Variants in LINGO2 observed in about 807,000 individuals in gnomAD.
LINGO2 encodes leucine-rich repeat and immunoglobulin-like domain-containing nogo receptor-interacting protein 2.
In LINGO2, 14 loss-of-function variants were observed where a neutral mutation model predicts 30.6. That is an observed-to-expected ratio of 0.46 (90% confidence interval 0.30 to 0.72). The LOEUF is 0.72. Ranked by LOEUF, LINGO2 falls within the 30% of genes least tolerant of loss-of-function variation. LINGO2 has a pLI of 0.07. For synonymous variants in LINGO2, 317 were observed against 288.5 expected (o/e 1.10, Z -1.00); for missense variants, 729 against 751.7 (o/e 0.97, Z 0.35).
chr9:28,927,479 G>A, the LINGO2 span, among the ~76,000 whole-genome samples: 3 of 152,310 alleles, frequency 2.0e-5, no homozygotes, highest in Admixed American at 2.0e-4. Flanking sequence ...AAAGGGAAAA[G>A]AGAAGGATTT....
At chr9:28,532,080 A>C (rs2135431325) in intron 1 of LINGO2, among the ~76,000 whole-genome samples, 1 of 152,302 alleles carries the variant, frequency 6.6e-6, no homozygotes, top group South Asian at 2.1e-4. Context: ...AGTATAAGTA[A>C]CAAGATAACT....
chr9:28,721,743 G>A, the LINGO2 span, among the ~76,000 whole-genome samples: 1 of 152,082 alleles, frequency 6.6e-6, no homozygotes, highest in Admixed American at 6.6e-5. Flanking sequence ...CAGTTGATAG[G>A]TGCAGTACCA....
the LINGO2 span, among the ~76,000 whole-genome samples, chr9:28,958,708 A>C: frequency 6.6e-6 from 1 of 151,954 alleles, no homozygotes; most frequent in African/African-American, 2.4e-5. Context: ...AGGAGAGAAG[A>C]GGAGAAAAAA....
At chr9:28,171,027 C>G (rs1828566954) in intron 4 of LINGO2, among the ~76,000 whole-genome samples, 1 of 152,202 alleles carries the variant, frequency 6.6e-6, no homozygotes, top group Non-Finnish European at 1.5e-5. Flanking sequence ...CAACCCAAAA[C>G]CACTTTCTAG....
chr9:28,241,144 C>G (rs1044246545), intron 4 of LINGO2, among the ~76,000 whole-genome samples: 1 of 151,662 alleles, frequency 6.6e-6, no homozygotes, highest in African/African-American at 2.4e-5. Context: ...TGGTGTGCGC[C>G]TGTAATCCCA....
chr9:28,078,576 C>A (rs531020509), intron 4 of LINGO2, among the ~76,000 whole-genome samples: 2 of 148,504 alleles, frequency 1.3e-5, no homozygotes, highest in Admixed American at 6.6e-5. Flanking sequence ...CTCTGCCGGG[C>A]GTGGTGGCTC....
intron 4 of LINGO2, among the ~76,000 whole-genome samples, chr9:28,020,544 A>T (rs1823062125): frequency 7.1e-6 from 1 of 140,080 alleles, no homozygotes; most frequent in East Asian, 2.1e-4. Context: ...AACAAAACAA[A>T]ACAAAACAAA....
intron 3 of LINGO2, among the ~76,000 whole-genome samples, chr9:28,353,088 A>C (rs1303127749): frequency 6.6e-6 from 1 of 150,692 alleles, no homozygotes; most frequent in Non-Finnish European, 1.5e-5. Flanking sequence ...GGACATAGGC[A>C]TGGGCAAGGA....
chr9:28,848,496 G>T, the LINGO2 span, among the ~76,000 whole-genome samples: 1 of 144,990 alleles, frequency 6.9e-6, no homozygotes, highest in African/African-American at 2.5e-5. Flanking sequence ...TTTGAAATGT[G>T]TATCATTCAA....
At chr9:28,636,834 C>A (rs926251219) in intron 1 of LINGO2, among the ~76,000 whole-genome samples, 2 of 152,150 alleles carry the variant, frequency 1.3e-5, no homozygotes, top group African/African-American at 4.8e-5. Flanking sequence ...AATTAGATCC[C>A]ATTTATCAAT....
At chr9:29,144,141 A>C in the LINGO2 span, among the ~76,000 whole-genome samples, 10 of 152,088 alleles carry the variant, frequency 6.6e-5, no homozygotes, top group Admixed American at 2.0e-4. Context: ...TTGTTCTTTT[A>C]CCAGTACCGT....
At chr9:28,006,564 T>A (rs1822278361) in intron 5 of LINGO2, among the ~76,000 whole-genome samples, 1 of 152,132 alleles carries the variant, frequency 6.6e-6, no homozygotes, top group African/African-American at 2.4e-5. Flanking sequence ...TATTAGGAAA[T>A]CTAGGTTGGC....
the LINGO2 span, among the ~76,000 whole-genome samples, chr9:28,699,145 C>T: frequency 6.6e-6 from 1 of 151,976 alleles, no homozygotes; most frequent in African/African-American, 2.4e-5. Flanking sequence ...CACCCAAAGT[C>T]CAAATTTTAC....
At chr9:28,360,813 C>G (rs921275162) in intron 3 of LINGO2, among the ~76,000 whole-genome samples, 1 of 152,112 alleles carries the variant, frequency 6.6e-6, no homozygotes, top group Non-Finnish European at 1.5e-5. Flanking sequence ...TCTATACTGG[C>G]CAGCACTTCT....
At chr9:28,072,206 A>T (rs901622822) in intron 4 of LINGO2, among the ~76,000 whole-genome samples, 1 of 152,180 alleles carries the variant, frequency 6.6e-6, no homozygotes, top group African/African-American at 2.4e-5. Context: ...GGCACAGTTG[A>T]TGTCTTGCAC....
intron 4 of LINGO2, among the ~76,000 whole-genome samples, chr9:28,144,415 C>T (rs1827757756): frequency 6.6e-6 from 1 of 152,050 alleles, no homozygotes; most frequent in African/African-American, 2.4e-5. Context: ...AAGAGAAAGG[C>T]CTGTGAATAG....
intron 4 of LINGO2, among the ~76,000 whole-genome samples, chr9:28,058,459 ATTCT>A (rs999925146): frequency 2.4e-4 from 36 of 152,288 alleles, no homozygotes; most frequent in African/African-American, 6.7e-4. Flanking sequence ...GACATAACTC[ATTCT>A]TTCTTTTTCC....
chr9:28,010,363 A>G (rs1563909120), intron 5 of LINGO2, among the ~76,000 whole-genome samples: 1 of 152,176 alleles, frequency 6.6e-6, no homozygotes, highest in African/African-American at 2.4e-5. Flanking sequence ...CATAGTTTGT[A>G]ACCTAGACAC....
At chr9:28,999,881 G>A in the LINGO2 span, among the ~76,000 whole-genome samples, 1 of 148,792 alleles carries the variant, frequency 6.7e-6, no homozygotes, top group African/African-American at 2.5e-5. Context: ...CCAATCCTCC[G>A]ATACATTTCT....
Sources: allele counts gnomAD v4.1 joint callset (sites outside exome capture counted in the v4.1 genomes callset), GRCh38; gene constraint gnomAD v4.1.1; transcripts MANE v1.5; gene names NCBI Gene and HGNC (gene_info 2026-07-23, HGNC 2026-07-21).